The following CNTLN variants were observed in gnomAD, a reference collection of about 807,000 sequenced individuals.
CNTLN encodes the protein centlein, centrosomal protein.
Under a neutral mutation model 180.0 loss-of-function variants are expected in CNTLN, and 212 were observed. That is an observed-to-expected ratio of 1.18 (90% CI 1.05 to 1.32). The LOEUF is 1.32. CNTLN is among the 40% of genes most tolerant of loss of function. The pLI, the probability that CNTLN is intolerant of heterozygous loss-of-function variation, is 0.00. For synonymous variants in CNTLN, 722 were observed against 563.1 expected, an observed-to-expected ratio of 1.28 and a Z score of -3.99; for missense variants, 2,095 against 1,610.9, an observed-to-expected ratio of 1.30 and a Z score of -5.14.
intron 19 of CNTLN, among the ~76,000 whole-genome samples, chr9:17,461,453 A>G (rs1831443244): frequency 6.6e-6 from 1 of 151,730 alleles, no homozygotes; most frequent in South Asian, 2.1e-4. Flanking sequence ...CATAACATTC[A>G]AAAGAGTTAC....
At chr9:17,527,083 A>T in the CNTLN span, among the ~76,000 whole-genome samples, 2 of 152,122 alleles carry the variant, frequency 1.3e-5, no homozygotes, top group African/African-American at 4.8e-5. Flanking sequence ...GGGTTTCACC[A>T]TGTTGGCCGG....
chr9:17,343,741 A>G (rs561921467), intron 12 of CNTLN, among the ~76,000 whole-genome samples: 4 of 152,220 alleles, frequency 2.6e-5, no homozygotes, highest in South Asian at 4.1e-4. Flanking sequence ...TCAGAGCTGC[A>G]CCGTCCATTA....
chr9:17,191,042 G>C (rs149092613), intron 2 of CNTLN, among the ~76,000 whole-genome samples: 57 of 152,240 alleles, frequency 3.7e-4, no homozygotes, highest in African/African-American at 1.3e-3. Context: ...ATACCTAATA[G>C]TTCCGTGGAT....
chr9:17,162,164 G>T (rs1330354658), intron 2 of CNTLN, among the ~76,000 whole-genome samples: 1 of 151,892 alleles, frequency 6.6e-6, no homozygotes, highest in Non-Finnish European at 1.5e-5. Flanking sequence ...ACTGAGGCTG[G>T]AGTGCAGTGG....
chr9:17,207,775 G>C (rs1313570956), intron 2 of CNTLN, among the ~76,000 whole-genome samples: 1 of 152,046 alleles, frequency 6.6e-6, no homozygotes, highest in South Asian at 2.1e-4. Context: ...GACCAGATCT[G>C]TTCCTATTTG....
the CNTLN span, among the ~76,000 whole-genome samples, chr9:17,517,650 C>A: frequency 1.3e-5 from 2 of 152,014 alleles, no homozygotes; most frequent in Admixed American, 6.6e-5. Flanking sequence ...GACTGCCAGC[C>A]ACCACCAGGA....
chr9:17,511,631 A>ATC, the CNTLN span, among the ~76,000 whole-genome samples: 3,105 of 143,354 alleles, frequency 0.022, 93 homozygotes, highest in African/African-American at 0.076. Context: ...AACTTGCTTT[A>ATC]TCTCTCTCTC....
At chr9:17,475,919 A>G (rs955000245) in intron 23 of CNTLN, among the ~76,000 whole-genome samples, 2 of 151,362 alleles carry the variant, frequency 1.3e-5, no homozygotes, top group Non-Finnish European at 2.9e-5. Flanking sequence ...TTCCTTAAAT[A>G]CAGACATACC....
At chr9:17,214,799 C>G (rs531552543) in intron 2 of CNTLN, among the ~76,000 whole-genome samples, 2 of 152,114 alleles carry the variant, frequency 1.3e-5, no homozygotes, top group African/African-American at 4.8e-5. Flanking sequence ...TCATTTCATT[C>G]ATTTGATCTT....
chr9:17,381,078 A>G (rs1488033736), intron 13 of CNTLN, among the ~76,000 whole-genome samples: 1 of 152,124 alleles, frequency 6.6e-6, no homozygotes, highest in Non-Finnish European at 1.5e-5. Flanking sequence ...GTTTCTATGG[A>G]GGATTGGGGT....
At chr9:17,268,384 C>A (rs900004476) in intron 5 of CNTLN, among the ~76,000 whole-genome samples, 1 of 152,150 alleles carries the variant, frequency 6.6e-6, no homozygotes, top group Non-Finnish European at 1.5e-5. Context: ...GCTGCCTGAT[C>A]GTTCCTCTGG....
intron 2 of CNTLN, among the ~76,000 whole-genome samples, chr9:17,209,267 T>A (rs1823123736): frequency 6.6e-6 from 1 of 152,216 alleles, no homozygotes; most frequent in Admixed American, 6.5e-5. Flanking sequence ...TATTCCATTG[T>A]AGTCAGAGAA....
chr9:17,384,801 A>G (rs1462853460), intron 13 of CNTLN, among the ~76,000 whole-genome samples: 2 of 152,180 alleles, frequency 1.3e-5, no homozygotes, highest in African/African-American at 4.8e-5. Flanking sequence ...TTTTACTCAC[A>G]ATACTTCTGA....
intron 2 of CNTLN, among the ~76,000 whole-genome samples, chr9:17,216,474 A>G (rs895751224): frequency 1.3e-5 from 2 of 152,080 alleles, no homozygotes; most frequent in African/African-American, 2.4e-5. Flanking sequence ...TTTAGATTTT[A>G]TTGACATGTT....
At chr9:17,299,793 C>G (rs1411776937) in intron 7 of CNTLN, 5 of 983,916 alleles carry the variant, frequency 5.1e-6, no homozygotes, top group Admixed American at 6.2e-5. Context: ...TTCTCTTTTT[C>G]CCCCATTGAT....
At chr9:17,395,727 G>C (rs969934239) in intron 15 of CNTLN, among the ~76,000 whole-genome samples, 1 of 152,106 alleles carries the variant, frequency 6.6e-6, no homozygotes, top group East Asian at 1.9e-4. Context: ...ACAGCAACAG[G>C]AGGATACTAA....
chr9:17,402,960 T>C (rs1313976724), intron 15 of CNTLN, among the ~76,000 whole-genome samples: 3 of 151,714 alleles, frequency 2.0e-5, no homozygotes, highest in Non-Finnish European at 4.4e-5. Context: ...CCCTGACTAA[T>C]CCACCTCTCT....
intron 5 of CNTLN, among the ~76,000 whole-genome samples, chr9:17,267,255 A>G (rs1201563632): frequency 6.6e-6 from 1 of 152,000 alleles, no homozygotes; most frequent in East Asian, 1.9e-4. Context: ...ATCTCTCAGC[A>G]TTTGTTTGTC....
In CNTLN at chr9:17,409,386, G is replaced by A. The variant is rs1207114653; in HGVS notation, c.2709G>A (p.Gln903=). ...GTCCTACGGAAGATGGAAAAGACCA[G>A]AAAGAAAGTGATCCAACAGAAGACA... ...KISPTEDGKD[Q]KESDPTEDSQ... is the part of the protein sequence containing the mutation. The change falls in exon 16 of 26, where the codon CAG becomes CAA. Residue 903 remains glutamine (Q), a synonymous_variant. Transcript: ENST00000380647. The A allele has an allele frequency of 8.7e-6, 14 of 1,613,182 alleles. No individual in the cohort carries two copies. The East Asian group carries it at 3.1e-4, about 36-fold the overall frequency.
Sources: allele counts gnomAD v4.1 joint callset (sites outside exome capture counted in the v4.1 genomes callset), GRCh38; gene constraint gnomAD v4.1.1; transcripts MANE v1.5; gene names NCBI Gene and HGNC (gene_info 2026-07-23, HGNC 2026-07-21).